Variants in LRRIQ3 observed in about 807,000 individuals in gnomAD.
LRRIQ3 encodes leucine rich repeats and IQ motif containing 3.
Under a neutral mutation model 59.3 loss-of-function variants are expected in LRRIQ3, and 75 were observed. The ratio of observed to expected loss-of-function variants is 1.26; its 90% CI spans 1.05 to 1.53. The LOEUF (loss-of-function observed/expected upper bound fraction) is 1.53, where lower values mean the gene tolerates loss of function less well. LRRIQ3 is among the 40% of genes most tolerant of loss of function. The pLI is 0.00. For synonymous variants in LRRIQ3, 250 were observed against 231.3 expected (o/e 1.08, Z -0.73); for missense variants, 831 against 710.0 (o/e 1.17, Z -1.94).
chr1:74,125,669 C>T lies in LRRIQ3; in HGVS notation c.708-16116G>A, dbSNP rs117044508. On this transcript the variant is annotated intron_variant, in intron 4 of 7. Transcript: ENST00000354431. ...TGCACCACATTGATTGATTTATGTA[C>T]GTTGAACCATCCTTGCATTCCTGGG... is the stretch of plus-strand genomic sequence containing the variant. 4.1e-3 allele frequency among the ~76,000 whole-genome samples: 619 copies of T among 151,854 alleles called. 33 individuals carry two copies. In the East Asian group the frequency reaches 0.099, roughly 24 times the overall value.
intron 4 of LRRIQ3, among the ~76,000 whole-genome samples, chr1:74,147,193 C>T (rs996471416): frequency 6.6e-6 from 1 of 152,152 alleles, no homozygotes; most frequent in Non-Finnish European, 1.5e-5. Context: ...AACACCACTG[C>T]AGTCCATCCT....
At chr1:74,064,719 G>A (rs746364598) in intron 6 of LRRIQ3, among the ~76,000 whole-genome samples, 2 of 151,862 alleles carry the variant, frequency 1.3e-5, no homozygotes, top group Admixed American at 6.6e-5. Flanking sequence ...TAAGAATCTT[G>A]GTTGATAGTT....
At chr1:74,099,534 G>A (rs1402193677) in intron 5 of LRRIQ3, among the ~76,000 whole-genome samples, 2 of 152,120 alleles carry the variant, frequency 1.3e-5, no homozygotes, top group Non-Finnish European at 2.9e-5. Context: ...GAAGAAGAGG[G>A]AATCCTCCCT....
intron 1 of LRRIQ3, among the ~76,000 whole-genome samples, chr1:74,194,374 T>A (rs1453506001): frequency 6.6e-6 from 1 of 152,202 alleles, no homozygotes; most frequent in Non-Finnish European, 1.5e-5. Flanking sequence ...TATAACTTAA[T>A]ATAAATAACC....
intron 3 of LRRIQ3, chr1:74,180,665 T>C (rs1385988861): frequency 1.3e-6 from 2 of 1,517,278 alleles, no homozygotes; most frequent in Non-Finnish European, 8.9e-7. Context: ...GCACTGTCTG[T>C]CATTTGTGAT....
At chr1:74,098,106 C>A (rs1646473845) in intron 5 of LRRIQ3, among the ~76,000 whole-genome samples, 1 of 152,136 alleles carries the variant, frequency 6.6e-6, no homozygotes, top group South Asian at 2.1e-4. Context: ...AAGACACAGA[C>A]TGGCAAATTG....
intron 4 of LRRIQ3, among the ~76,000 whole-genome samples, chr1:74,150,724 TG>T (rs1032121940): frequency 6.6e-6 from 1 of 152,106 alleles, no homozygotes; most frequent in African/African-American, 2.4e-5. Context: ...AGCTGAAATT[TG>T]TCTTTCTAAA....
chr1:74,034,635 G>GACAGAC (rs1376869835), intron 7 of LRRIQ3, among the ~76,000 whole-genome samples: 3 of 146,882 alleles, frequency 2.0e-5, no homozygotes, highest in Admixed American at 6.8e-5. Context: ...AGCACACACA[G>GACAGAC]ACACACACAC....
rs1276762995 is a variant in LRRIQ3, at chr1:74,128,244, A to C, written c.708-18691T>G. Among the ~76,000 whole-genome samples, 11 of 151,986 alleles carry C rather than the reference A, an allele frequency of 7.2e-5. No homozygotes were observed. In the South Asian group the frequency reaches 2.1e-3, roughly 29 times the overall value. Reference sequence around the variant, plus strand: ...GGTGTACAATAGCTTTCTTGTACTTAGATATTGACATCTTTCTCTAGGTTT... The same window carrying C: ...GGTGTACAATAGCTTTCTTGTACTTCGATATTGACATCTTTCTCTAGGTTT... On this transcript the variant is annotated intron_variant, in intron 4 of 7. Coordinates refer to ENST00000354431, the MANE Select transcript of LRRIQ3 (RefSeq NM_001105659.2).
At chr1:74,102,153 T>A (rs1188858279) in intron 5 of LRRIQ3, among the ~76,000 whole-genome samples, 1 of 151,894 alleles carries the variant, frequency 6.6e-6, no homozygotes, top group African/African-American at 2.4e-5. Flanking sequence ...CTTCATAGTT[T>A]ATCGCAGATC....
chr1:74,163,643 T>C (rs933487302), intron 3 of LRRIQ3, among the ~76,000 whole-genome samples: 1 of 151,620 alleles, frequency 6.6e-6, no homozygotes. Flanking sequence ...TGTCAATTCA[T>C]TTAACCATTC....
chr1:74,119,580 T>C (rs570723530), intron 4 of LRRIQ3, among the ~76,000 whole-genome samples: 1 of 152,328 alleles, frequency 6.6e-6, no homozygotes, highest in East Asian at 1.9e-4. Flanking sequence ...ATGTAATGTT[T>C]TAACTCATCT....
intron 7 of LRRIQ3, among the ~76,000 whole-genome samples, chr1:74,029,726 G>T (rs568697740): frequency 7.9e-5 from 12 of 152,096 alleles, no homozygotes; most frequent in African/African-American, 2.9e-4. Context: ...TTGAGTTAGG[G>T]AGGATTCCTT....
At chr1:74,170,325 TTTAA>T (rs1260576781) in intron 3 of LRRIQ3, among the ~76,000 whole-genome samples, 1 of 152,182 alleles carries the variant, frequency 6.6e-6, no homozygotes, top group Non-Finnish European at 1.5e-5. Flanking sequence ...CCTTTAAGAT[TTTAA>T]TTCTTTTTTG....
chr1:74,103,659 T>C (rs2100548058), intron 5 of LRRIQ3, among the ~76,000 whole-genome samples: 1 of 152,066 alleles, frequency 6.6e-6, no homozygotes, highest in South Asian at 2.1e-4. Flanking sequence ...CTAAATCTCA[T>C]AGAGAATCAA....
At chr1:74,111,889 C>T (rs145207232) in intron 4 of LRRIQ3, among the ~76,000 whole-genome samples, 111 of 152,168 alleles carry the variant, frequency 7.3e-4, no homozygotes, top group African/African-American at 2.4e-3. Context: ...ATAAATTTAT[C>T]TCACATCCCG....
intron 7 of LRRIQ3, among the ~76,000 whole-genome samples, chr1:74,031,723 G>T (rs994230971): frequency 1.3e-5 from 2 of 151,984 alleles, no homozygotes; most frequent in Non-Finnish European, 2.9e-5. Context: ...TAACAAACCT[G>T]CACGTTGTGC....
At chr1:74,054,750 A>ATC (rs1029962197) in intron 6 of LRRIQ3, among the ~76,000 whole-genome samples, 3 of 145,740 alleles carry the variant, frequency 2.1e-5, no homozygotes, top group African/African-American at 7.5e-5. Context: ...ATATATATAT[A>ATC]TATATATCTA....
chr1:74,085,323 CA>C (rs61216155), intron 5 of LRRIQ3, among the ~76,000 whole-genome samples: 98,144 of 121,552 alleles, frequency 0.81, 39,849 homozygotes, highest in East Asian at 0.94. Context: ...TACATGGTGG[CA>C]AAAAAAAAAA....
Sources: gnomAD v4.1 joint callset for allele counts (sites outside exome capture counted in the v4.1 genomes callset) on GRCh38, gnomAD v4.1.1 for gene constraint, MANE v1.5 for transcripts, NCBI Gene and HGNC (gene_info 2026-07-23, HGNC 2026-07-21) for gene names.